Variants in FANCL observed in about 807,000 individuals in gnomAD.
The protein encoded by FANCL is E3 ubiquitin-protein ligase FANCL.
FANCL carries 69 observed loss-of-function variants against 59.4 expected under a neutral mutation model. That is an observed-to-expected ratio of 1.16 (90% CI 0.96 to 1.42). The LOEUF (loss-of-function observed/expected upper bound fraction) is 1.42, where lower values mean the gene tolerates loss of function less well. Ranked by LOEUF, FANCL falls within the 40% of genes most tolerant of loss-of-function variation. FANCL has a pLI of 0.00. For missense variants in FANCL, 519 were observed against 447.2 expected (o/e 1.16, Z -1.45); for synonymous variants, 180 against 147.1 (o/e 1.22, Z -1.62).
chr2:58,204,264 G>T, intron 5 of FANCL, 38 bp from the exon 6 acceptor site: 1 of 1,401,856 alleles, frequency 7.1e-7, no homozygotes, highest in South Asian at 1.2e-5. Context: ...ATCACACCGG[G>T]GAGAGCTGGA....
intron 7 of FANCL, among the ~76,000 whole-genome samples, chr2:58,184,586 A>G (rs755816246): frequency 2.0e-5 from 3 of 152,124 alleles, no homozygotes; most frequent in Non-Finnish European, 2.9e-5. Flanking sequence ...AATAATAAGA[A>G]TAAGGAAATG....
chr2:58,220,257 G>C (rs140604961), intron 5 of FANCL, among the ~76,000 whole-genome samples: 26 of 152,264 alleles, frequency 1.7e-4, no homozygotes, highest in African/African-American at 6.3e-4. Flanking sequence ...TAAGGAAAAC[G>C]GTAAGGTAAA....
chr2:58,160,748 C>T (rs1395333075), intron 12 of FANCL, among the ~76,000 whole-genome samples: 1 of 151,956 alleles, frequency 6.6e-6, no homozygotes, highest in Non-Finnish European at 1.5e-5. Flanking sequence ...ACCTGTATTT[C>T]TGTAATTTCA....
intron 5 of FANCL, among the ~76,000 whole-genome samples, chr2:58,218,217 A>G (rs1416783502): frequency 6.6e-6 from 1 of 152,060 alleles, no homozygotes; most frequent in Non-Finnish European, 1.5e-5. Flanking sequence ...AAAGTAAGAT[A>G]AACTGGAAAA....
intron 6 of FANCL, among the ~76,000 whole-genome samples, chr2:58,200,776 T>C (rs1689927058): frequency 6.6e-6 from 1 of 151,874 alleles, no homozygotes; most frequent in African/African-American, 2.4e-5. Flanking sequence ...AGTAAATATA[T>C]GATCCTACAT....
At chr2:58,211,595 C>T (rs894423033) in intron 5 of FANCL, among the ~76,000 whole-genome samples, 7 of 152,316 alleles carry the variant, frequency 4.6e-5, no homozygotes, top group Middle Eastern at 3.4e-3. Flanking sequence ...CATTGTCAGG[C>T]TGCAAATTTT....
At chr2:58,230,686 C>T (rs1693500140) in intron 2 of FANCL, among the ~76,000 whole-genome samples, 1 of 152,160 alleles carries the variant, frequency 6.6e-6, no homozygotes, top group South Asian at 2.1e-4. Context: ...ATCCCCATAA[C>T]CATCCCTATC....
At chr2:58,198,145 A>G (rs921280493) in intron 7 of FANCL, among the ~76,000 whole-genome samples, 9 of 151,868 alleles carry the variant, frequency 5.9e-5, no homozygotes, top group African/African-American at 2.2e-4. Context: ...AACTGTAAGG[A>G]AATATAAAAG....
chr2:58,213,610 C>T (rs377118172), intron 5 of FANCL: 15 of 151,774 alleles, frequency 9.9e-5, no homozygotes, highest in African/African-American at 3.6e-4. Context: ...TGGCAGCGAA[C>T]ACCTGTTAAT....
chr2:58,170,373 G>A (rs1686451057), intron 7 of FANCL, among the ~76,000 whole-genome samples: 1 of 152,150 alleles, frequency 6.6e-6, no homozygotes, highest in Non-Finnish European at 1.5e-5. Flanking sequence ...CCTTACAAGA[G>A]CTCCTGAAGG....
At chr2:58,194,122 A>G in intron 7 of FANCL, 2 of 424,674 alleles carry the variant, frequency 4.7e-6, no homozygotes, top group Non-Finnish European at 9.7e-6. Context: ...GATTTCCATG[A>G]TAAAAAAATA....
chr2:58,206,783 C>T (rs1379226449), intron 5 of FANCL, among the ~76,000 whole-genome samples: 1 of 152,056 alleles, frequency 6.6e-6, no homozygotes, highest in Non-Finnish European at 1.5e-5. Flanking sequence ...TTAAATAAAG[C>T]AGTAAAAAAC....
chr2:58,230,644 C>A (rs1358648657), intron 2 of FANCL, among the ~76,000 whole-genome samples: 1 of 152,164 alleles, frequency 6.6e-6, no homozygotes, highest in Non-Finnish European at 1.5e-5. Context: ...CCTTTTCAAA[C>A]TGTCACAACT....
intron 7 of FANCL, among the ~76,000 whole-genome samples, chr2:58,190,848 T>A (rs998434158): frequency 1.3e-5 from 2 of 151,918 alleles, no homozygotes; most frequent in Non-Finnish European, 2.9e-5. Flanking sequence ...ATAAATTGGT[T>A]TGGCTTCTAA....
At chr2:58,214,595 A>C (rs926585555) in intron 5 of FANCL, among the ~76,000 whole-genome samples, 5 of 151,970 alleles carry the variant, frequency 3.3e-5, no homozygotes, top group Non-Finnish European at 7.4e-5. Flanking sequence ...TGCAGCCTCG[A>C]CCTACCCAGG....
intron 6 of FANCL, among the ~76,000 whole-genome samples, chr2:58,202,023 T>C (rs764186056): frequency 6.6e-5 from 10 of 151,802 alleles, no homozygotes; most frequent in Non-Finnish European, 1.3e-4. Flanking sequence ...TTTTGCATAA[T>C]ATACTCTTAA....
intron 5 of FANCL, 37 bp from the exon 6 acceptor site, chr2:58,204,263 G>A (rs1459520757): frequency 2.0e-6 from 3 of 1,472,018 alleles, no homozygotes; most frequent in Non-Finnish European, 9.5e-7. Context: ...GATCACACCG[G>A]GGAGAGCTGG....
chr2:58,179,279 A>C (rs1387833225), intron 7 of FANCL, among the ~76,000 whole-genome samples: 1 of 152,180 alleles, frequency 6.6e-6, no homozygotes, highest in African/African-American at 2.4e-5. Context: ...TAGCCAAGAC[A>C]ATCCTAAGCA....
intron 1 of FANCL, among the ~76,000 whole-genome samples, chr2:58,236,244 G>A (rs1403659236): frequency 6.6e-5 from 10 of 151,916 alleles, no homozygotes; most frequent in Non-Finnish European, 1.5e-4. Context: ...AAAGCAGCCA[G>A]AGGAAAAAAA....
Sources: gnomAD v4.1 joint callset for allele counts (sites outside exome capture counted in the v4.1 genomes callset) on GRCh38, gnomAD v4.1.1 for gene constraint, MANE v1.5 for transcripts, NCBI Gene and HGNC (gene_info 2026-07-23, HGNC 2026-07-21) for gene names.